CHST9: variants seen among roughly 807,000 people sequenced by gnomAD.
CHST9 encodes the protein carbohydrate sulfotransferase 9.
Under a neutral mutation model 44.4 loss-of-function variants are expected in CHST9, and 41 were observed. That is an observed-to-expected ratio of 0.92 (90% confidence interval 0.72 to 1.20). CHST9 has a LOEUF of 1.20. Ranked by LOEUF, CHST9 falls within the 50% of genes most tolerant of loss-of-function variation. CHST9 has a pLI of 0.00. For synonymous variants in CHST9, 171 were observed against 178.4 expected (o/e 0.96, Z 0.33); for missense variants, 504 against 516.5 (o/e 0.98, Z 0.23).
chr18:27,109,763 G>A (rs958533097), intron 2 of CHST9, among the ~76,000 whole-genome samples: 3 of 152,008 alleles, frequency 2.0e-5, no homozygotes, highest in African/African-American at 7.3e-5. Context: ...AATTGGTTCC[G>A]ACAACTTTTT....
chr18:26,974,742 C>T (rs1598608200), intron 4 of CHST9, among the ~76,000 whole-genome samples: 4 of 151,082 alleles, frequency 2.6e-5, no homozygotes, highest in Admixed American at 2.6e-4. Context: ...GGCCCGATCT[C>T]GGCTCACCGC....
chr18:26,969,000 CTTTTT>C (rs34898136), intron 4 of CHST9, among the ~76,000 whole-genome samples: 1 of 132,736 alleles, frequency 7.5e-6, no homozygotes. Context: ...TTTATGCAGT[CTTTTT>C]TTTTTTTTTT....
rs188196432 is a variant in CHST9 at position 27,088,612 on chromosome 18, T to G, written c.122-40109A>C. Among the ~76,000 whole-genome samples, 19 of 152,118 alleles carry G rather than the reference T, an allele frequency of 1.2e-4. No homozygotes were observed. In the East Asian group the frequency reaches 3.7e-3, roughly 30 times the overall value. Reference sequence around the variant, plus strand: ...GTTTCACCATGTTGGCCAGATGATCTCGATCTCTTGACCTCGTGATCTGCC... The same window carrying G: ...GTTTCACCATGTTGGCCAGATGATCGCGATCTCTTGACCTCGTGATCTGCC... On this transcript the variant is annotated intron_variant, in intron 2 of 5. Coordinates refer to ENST00000618847, the MANE Select transcript of CHST9 (RefSeq NM_031422.6).
chr18:26,972,357 CAAAAAAAAAAAAAA>C (rs887066938), intron 4 of CHST9, among the ~76,000 whole-genome samples: 1 of 65,248 alleles, frequency 1.5e-5, no homozygotes, highest in Non-Finnish European at 2.8e-5. Flanking sequence ...ACTCCAACTC[CAAAAAAAAAAAAAA>C]AAAAAAAAAA....
intron 4 of CHST9, among the ~76,000 whole-genome samples, chr18:27,012,666 G>C (rs2057099014): frequency 6.6e-6 from 1 of 152,082 alleles, no homozygotes; most frequent in Non-Finnish European, 1.5e-5. Context: ...AAACAAAAAA[G>C]ACAAATGCCT....
chr18:27,097,087 T>C (rs921164599), intron 2 of CHST9, among the ~76,000 whole-genome samples: 8 of 152,106 alleles, frequency 5.3e-5, no homozygotes, highest in South Asian at 2.1e-4. Context: ...CATGATCAAA[T>C]AGGCTTCATT....
intron 2 of CHST9, among the ~76,000 whole-genome samples, chr18:27,127,801 A>AAGG (rs1312568517): frequency 1.3e-5 from 2 of 152,088 alleles, no homozygotes; most frequent in Non-Finnish European, 2.9e-5. Flanking sequence ...GTAGAAGAAT[A>AAGG]AGGAGGAGGA....
intron 3 of CHST9, among the ~76,000 whole-genome samples, chr18:27,032,015 G>C (rs2057346205): frequency 6.6e-6 from 1 of 151,752 alleles, no homozygotes; most frequent in Admixed American, 6.6e-5. Context: ...GGCTCAGAGA[G>C]GTTAATAACT....
intron 2 of CHST9, among the ~76,000 whole-genome samples, chr18:27,089,473 T>G (rs1192244244): frequency 6.6e-6 from 1 of 152,174 alleles, no homozygotes; most frequent in African/African-American, 2.4e-5. Flanking sequence ...AACTCATCCT[T>G]TTTTATGGCT....
At chr18:27,112,606 T>C (rs1021669857) in intron 2 of CHST9, among the ~76,000 whole-genome samples, 37 of 151,036 alleles carry the variant, frequency 2.4e-4, no homozygotes, top group Non-Finnish European at 4.9e-4. Flanking sequence ...TGTGTGTGTG[T>C]GTGTGTGTGT....
chr18:27,177,881 G>C (rs754190617), intron 1 of CHST9, among the ~76,000 whole-genome samples: 3 of 151,930 alleles, frequency 2.0e-5, no homozygotes, highest in Non-Finnish European at 4.4e-5. Context: ...CAGAGTAAAA[G>C]GCAGATATTC....
chr18:26,950,895 C>T (rs1291194566), intron 4 of CHST9, among the ~76,000 whole-genome samples: 4 of 152,144 alleles, frequency 2.6e-5, no homozygotes, highest in Non-Finnish European at 5.9e-5. Flanking sequence ...AGCTAACTTT[C>T]AGGATAAAAC....
At chr18:26,919,844 T>A (rs1214671827) in intron 5 of CHST9, among the ~76,000 whole-genome samples, 1 of 152,190 alleles carries the variant, frequency 6.6e-6, no homozygotes, top group Non-Finnish European at 1.5e-5. Flanking sequence ...CAACACTCTG[T>A]GTCTCTTGCA....
intron 1 of CHST9, among the ~76,000 whole-genome samples, chr18:27,179,005 T>C (rs1014277344): frequency 2.0e-5 from 3 of 151,948 alleles, no homozygotes; most frequent in Non-Finnish European, 4.4e-5. Context: ...TAAAATTATG[T>C]GTGTATACAT....
intron 5 of CHST9, chr18:26,935,223 CCTT>C (rs2055966576): frequency 5.3e-5 from 8 of 152,114 alleles, no homozygotes; most frequent in Non-Finnish European, 4.4e-5. Context: ...ATTGTAATCT[CCTT>C]CTATTTTGCT....
chr18:27,112,513 GTATT>G (rs1470281050), intron 2 of CHST9, among the ~76,000 whole-genome samples: 4 of 151,512 alleles, frequency 2.6e-5, no homozygotes, highest in African/African-American at 9.7e-5. Context: ...TGTCATGTCA[GTATT>G]TAAGAAGTTT....
intron 4 of CHST9, among the ~76,000 whole-genome samples, chr18:26,950,153 G>C (rs2056224203): frequency 2.0e-5 from 3 of 152,200 alleles, no homozygotes. Flanking sequence ...TGTTCCTCAA[G>C]GTACGGGGAG....
Position 27,154,337 on chromosome 18 carries a change from CA to C in CHST9, c.-96-11433del, listed in dbSNP as rs1210789170. ...TCAGACAAGAAATATCATTTAAGCA[CA>C]TGGTCAAATTCAGAGTTCAGGGAGA... On this transcript the variant is annotated intron_variant, in intron 1 of 5. Coordinates refer to ENST00000618847, the MANE Select transcript of CHST9 (RefSeq NM_031422.6). Among the ~76,000 whole-genome samples the C allele has an allele frequency of 2.6e-5, 4 of 151,940 alleles. No homozygotes were observed. In the South Asian group the frequency reaches 8.3e-4, roughly 32 times the overall value.
intron 4 of CHST9, among the ~76,000 whole-genome samples, chr18:26,959,606 C>T (rs1242435930): frequency 3.3e-5 from 5 of 152,056 alleles, no homozygotes; most frequent in Non-Finnish European, 5.9e-5. Flanking sequence ...AGTATTTTAC[C>T]TGGAAGGAAA....
Sources: allele counts gnomAD v4.1 joint callset (sites outside exome capture counted in the v4.1 genomes callset), GRCh38; gene constraint gnomAD v4.1.1; transcripts MANE v1.5; gene names NCBI Gene and HGNC (gene_info 2026-07-23, HGNC 2026-07-21).